The following DAB1 variants were observed in gnomAD, a reference collection of about 807,000 sequenced individuals.
The protein encoded by DAB1 is disabled homolog 1.
DAB1 carries 15 observed loss-of-function variants against 64.6 expected under a neutral mutation model. That is an observed-to-expected ratio of 0.23 (90% confidence interval 0.16 to 0.36). The LOEUF (loss-of-function observed/expected upper bound fraction) is 0.36. Among genes scored for constraint, DAB1 ranks in the 10% least tolerant of loss-of-function variants. The pLI, the probability that DAB1 is intolerant of heterozygous loss-of-function variation, is 1.00. For synonymous variants in DAB1, 235 were observed against 251.9 expected, an observed-to-expected ratio of 0.93 and a Z score of 0.64; for missense variants, 596 against 706.7, an observed-to-expected ratio of 0.84 and a Z score of 1.78.
At chr1:58,265,134 T>A (rs1451430177) in intron 4 of DAB1, among the ~76,000 whole-genome samples, 1 of 152,164 alleles carries the variant, frequency 6.6e-6, no homozygotes, top group African/African-American at 2.4e-5. Flanking sequence ...GAGGGCACTT[T>A]ACACACAATA....
Position 58,415,055 on chromosome 1 carries a change from G to A in DAB1, n.258-71652C>T, listed in dbSNP as rs535909108. 7.2e-5 allele frequency among the ~76,000 whole-genome samples: 11 copies of A among 152,200 alleles called. No homozygotes were observed. The South Asian group carries it at 2.1e-3, about 29-fold the overall frequency. ...CCCTATGTGATGGTGTCTGGTGATG[G>A]GGCCTTTGGGAGGTAATTAAGATTA... On this transcript the variant is annotated intron_variant and non_coding_transcript_variant, in intron 3 of 20. Coordinates refer to the DAB1 transcript ENST00000485760.
chr1:58,483,501 T>C (rs950742592), intron 3 of DAB1, among the ~76,000 whole-genome samples: 5 of 152,200 alleles, frequency 3.3e-5, no homozygotes, highest in Admixed American at 2.6e-4. Flanking sequence ...TGAAAAAACA[T>C]TACTTAACGT....
intron 1 of DAB1, among the ~76,000 whole-genome samples, chr1:57,356,669 A>G (rs1162460941): frequency 1.3e-5 from 2 of 152,102 alleles, no homozygotes; most frequent in Non-Finnish European, 2.9e-5. Flanking sequence ...AAAAGTCTTG[A>G]AAATATAATG....
chr1:57,614,098 G>A (rs1167646774), intron 7 of DAB1, among the ~76,000 whole-genome samples: 3 of 152,324 alleles, frequency 2.0e-5, no homozygotes, highest in East Asian at 1.9e-4. Flanking sequence ...TGTGCCCATC[G>A]AAAGGGGCAG....
intron 1 of DAB1, among the ~76,000 whole-genome samples, chr1:57,383,315 T>C (rs1681534317): frequency 6.6e-6 from 1 of 152,218 alleles, no homozygotes; most frequent in African/African-American, 2.4e-5. Context: ...AGCCTGTTCA[T>C]GTCTGTCCCT....
intron 1 of DAB1, among the ~76,000 whole-genome samples, chr1:57,367,061 A>AATAAT (rs1680076990): frequency 1.5e-5 from 1 of 67,550 alleles, no homozygotes; most frequent in Non-Finnish European, 2.9e-5. Context: ...AATAAAATAA[A>AATAAT]ATAAAATAAA....
chr1:58,221,763 C>G (rs1659183042), intron 4 of DAB1, among the ~76,000 whole-genome samples: 1 of 152,192 alleles, frequency 6.6e-6, no homozygotes, highest in Non-Finnish European at 1.5e-5. Flanking sequence ...GCATCACCAG[C>G]TCTGTGCCAA....
intron 2 of DAB1, among the ~76,000 whole-genome samples, chr1:57,161,281 A>G (rs1402379430): frequency 2.6e-5 from 4 of 152,190 alleles, no homozygotes; most frequent in South Asian, 4.1e-4. Context: ...ACTAATACTG[A>G]TCAGATTCCA....
intron 6 of DAB1, among the ~76,000 whole-genome samples, chr1:57,820,143 A>C (rs1652052951): frequency 1.3e-5 from 2 of 152,206 alleles, no homozygotes. Flanking sequence ...TAGTTAAAAG[A>C]GCAGAAACCA....
intron 7 of DAB1, among the ~76,000 whole-genome samples, chr1:57,464,693 A>T (rs1686897754): frequency 6.6e-6 from 1 of 152,196 alleles, no homozygotes; most frequent in Non-Finnish European, 1.5e-5. Context: ...ATCTCCAAGC[A>T]CTTAATAAGA....
chr1:57,414,357 A>G (rs1265762238), intron 1 of DAB1, among the ~76,000 whole-genome samples: 1 of 152,250 alleles, frequency 6.6e-6, no homozygotes, highest in Non-Finnish European at 1.5e-5. Context: ...AAAACCCTCC[A>G]CCAGCAAAAA....
intron 2 of DAB1, among the ~76,000 whole-genome samples, chr1:57,219,382 T>C (rs1170917803): frequency 6.6e-6 from 1 of 152,170 alleles, no homozygotes; most frequent in African/African-American, 2.4e-5. Context: ...ATTGCTCTTA[T>C]TTCTCTCATT....
At chr1:58,114,908 TTAA>T (rs1191797626) in intron 5 of DAB1, among the ~76,000 whole-genome samples, 2 of 152,164 alleles carry the variant, frequency 1.3e-5, no homozygotes, top group Non-Finnish European at 2.9e-5. Context: ...TTAAAAAAAA[TTAA>T]TGTCACTCCA....
At chr1:58,268,131 TAA>T (rs1661218004) in intron 4 of DAB1, among the ~76,000 whole-genome samples, 1 of 152,210 alleles carries the variant, frequency 6.6e-6, no homozygotes, top group African/African-American at 2.4e-5. Context: ...ACTCTAAACT[TAA>T]GTTTCCTCAC....
chr1:57,086,682 CACACAT>C (rs1401527385), intron 4 of DAB1, among the ~76,000 whole-genome samples: 5 of 146,640 alleles, frequency 3.4e-5, no homozygotes, highest in East Asian at 2.1e-4. Flanking sequence ...CACACACACA[CACACAT>C]GAAAAAAACC....
At chr1:58,092,516 T>C (rs965937170) in intron 5 of DAB1, among the ~76,000 whole-genome samples, 2 of 152,098 alleles carry the variant, frequency 1.3e-5, no homozygotes, top group African/African-American at 4.8e-5. Context: ...CCCATCTCTT[T>C]TTAAGAATTA....
chr1:57,044,023 T>C (rs941009065), intron 9 of DAB1, among the ~76,000 whole-genome samples: 2 of 152,226 alleles, frequency 1.3e-5, no homozygotes, highest in Non-Finnish European at 2.9e-5. Context: ...GGCTCATTCC[T>C]GCCTCAAGGC....
At chr1:57,654,109 T>C (rs1646288320) in intron 6 of DAB1, among the ~76,000 whole-genome samples, 3 of 152,238 alleles carry the variant, frequency 2.0e-5, no homozygotes, top group Admixed American at 1.3e-4. Context: ...TCTTTTGTAG[T>C]TTATTTAATT....
At chr1:57,297,092 C>G (rs189877122) in intron 1 of DAB1, among the ~76,000 whole-genome samples, 1 of 151,690 alleles carries the variant, frequency 6.6e-6, no homozygotes, top group African/African-American at 2.4e-5. Flanking sequence ...AGTGTTCTGG[C>G]CAGGAATCTA....
Sources: allele counts gnomAD v4.1 joint callset (sites outside exome capture counted in the v4.1 genomes callset), GRCh38; gene constraint gnomAD v4.1.1; transcripts MANE v1.5; gene names NCBI Gene and HGNC (gene_info 2026-07-23, HGNC 2026-07-21).